GPATCH2: variants seen among roughly 807,000 people sequenced by gnomAD.
The protein encoded by GPATCH2 is G-patch domain containing 2.
GPATCH2 carries 51 observed loss-of-function variants against 58.0 expected under a neutral mutation model. The ratio of observed to expected loss-of-function variants is 0.88; its 90% CI spans 0.70 to 1.11. GPATCH2 has a LOEUF of 1.11. Ranked by LOEUF, GPATCH2 falls within the 50% of genes most tolerant of loss-of-function variation. GPATCH2 has a pLI of 0.00. For missense variants in GPATCH2, 625 were observed against 652.2 expected (o/e 0.96, Z 0.45); for synonymous variants, 222 against 218.5 (o/e 1.02, Z -0.14).
rs1460164234 is a variant in GPATCH2 at position 217,430,296 on chromosome 1, C to T, written c.*849G>A. On this transcript the variant is annotated 3_prime_UTR_variant, in exon 10 of 10. Coordinates refer to ENST00000366935, the MANE Select transcript of GPATCH2 (RefSeq NM_018040.5). The stretch of plus-strand genomic sequence containing the variant: ...ACTCCAATGATTAAAATTTTAAATC[C>T]GTTTACTACACTTGAGTTGATCTTA... 6 of 152,002 alleles carry T rather than the reference C, an allele frequency of 3.9e-5. No individual in the cohort carries two copies. The highest frequency in any genetic ancestry group is 9.7e-5 in the African/African-American group (4 of 41,386). 9.4% of individuals were successfully genotyped at this position (152,002 alleles called of 1,614,324 possible).
At chr1:217,615,411 T>C (rs1296608052) in intron 2 of GPATCH2, among the ~76,000 whole-genome samples, 1 of 152,060 alleles carries the variant, frequency 6.6e-6, no homozygotes, top group Non-Finnish European at 1.5e-5. Context: ...AATGAAAAAA[T>C]ATTTTCTAAG....
intron 6 of GPATCH2, among the ~76,000 whole-genome samples, chr1:217,508,813 TG>T (rs1195754752): frequency 6.6e-6 from 1 of 152,170 alleles, no homozygotes; most frequent in Non-Finnish European, 1.5e-5. Flanking sequence ...CTTTTTTGCA[TG>T]TAGCTCTCTA....
At position 217,493,963 on chromosome 1, in the gene GPATCH2, A is replaced by G. The variant is rs185911739; in HGVS notation, c.1207-2213T>C. Among the ~76,000 whole-genome samples, 142 of 152,218 alleles carry G rather than the reference A, an allele frequency of 9.3e-4. No homozygotes were observed. The Middle Eastern group carries it at 0.024, about 26-fold the overall frequency. On this transcript the variant is annotated intron_variant, in intron 7 of 9. Coordinates refer to ENST00000366935, the MANE Select transcript of GPATCH2 (RefSeq NM_018040.5). ...AATCCCAAACCAAATGTTATGGAAAAAAAAATAAAAAATTTATAGTTTAGT... is the reference window on the plus strand; with the variant it reads ...AATCCCAAACCAAATGTTATGGAAAGAAAAATAAAAAATTTATAGTTTAGT...
At chr1:217,593,271 A>G (rs1667673429) in intron 5 of GPATCH2, among the ~76,000 whole-genome samples, 1 of 152,004 alleles carries the variant, frequency 6.6e-6, no homozygotes, top group African/African-American at 2.4e-5. Flanking sequence ...ACATTTGAGG[A>G]GATTTATTAT....
At chr1:217,493,383 T>C (rs940629250) in intron 7 of GPATCH2, among the ~76,000 whole-genome samples, 2 of 152,130 alleles carry the variant, frequency 1.3e-5, no homozygotes, top group Admixed American at 6.5e-5. Flanking sequence ...ATCCTAGCCA[T>C]AGTGAAGTTC....
In GPATCH2 at chr1:217,449,971, G is replaced by A. The variant is rs138109390; in HGVS notation, c.1278-634C>T. Among the ~76,000 whole-genome samples the A allele has an allele frequency of 8.9e-4, 136 of 152,130 alleles. 1 individual carries two copies. The highest frequency in any genetic ancestry group is 3.0e-3 in the African/African-American group (126 of 41,494). On this transcript the variant is annotated intron_variant, in intron 8 of 9. Coordinates refer to ENST00000366935, the MANE Select transcript of GPATCH2 (RefSeq NM_018040.5). ...TGTAAAAACATGATATATAAAAACC[G>A]AGAAGTGGACCTTCTGCTATTTTTG...
intron 5 of GPATCH2, among the ~76,000 whole-genome samples, chr1:217,571,325 C>A (rs1377839977): frequency 6.6e-6 from 1 of 151,866 alleles, no homozygotes; most frequent in East Asian, 1.9e-4. Flanking sequence ...AGTTGTAAAC[C>A]CAAACAGGTG....
chr1:217,499,764 T>G (rs2102550281), intron 6 of GPATCH2, among the ~76,000 whole-genome samples: 1 of 152,064 alleles, frequency 6.6e-6, no homozygotes, highest in East Asian at 1.9e-4. Flanking sequence ...AGACAAACAT[T>G]TTTCTTAAAC....
At chr1:217,592,008 CA>C (rs34896010) in intron 5 of GPATCH2, among the ~76,000 whole-genome samples, 101,714 of 151,588 alleles carry the variant, frequency 0.67, 34,766 homozygotes, top group East Asian at 0.92. Flanking sequence ...CTTCGTATAT[CA>C]AAAAAAATGA....
At chr1:217,530,087 T>C (rs1184549632) in intron 5 of GPATCH2, among the ~76,000 whole-genome samples, 3 of 152,360 alleles carry the variant, frequency 2.0e-5, no homozygotes, top group East Asian at 3.9e-4. Flanking sequence ...CAAAGTAATA[T>C]GGAGTCCTAG....
intron 5 of GPATCH2, among the ~76,000 whole-genome samples, chr1:217,557,611 T>A (rs908544464): frequency 6.6e-6 from 1 of 152,196 alleles, no homozygotes; most frequent in African/African-American, 2.4e-5. Flanking sequence ...TGCTATCAGA[T>A]AGAGATTCCA....
At chr1:217,444,865 C>A (rs1009291739) in intron 9 of GPATCH2, among the ~76,000 whole-genome samples, 4 of 152,060 alleles carry the variant, frequency 2.6e-5, no homozygotes, top group African/African-American at 9.7e-5. Context: ...AAATCTAGTA[C>A]CTTGAAAAGG....
intron 8 of GPATCH2, among the ~76,000 whole-genome samples, chr1:217,468,656 T>A (rs181041942): frequency 6.6e-6 from 1 of 151,422 alleles, no homozygotes; most frequent in Non-Finnish European, 1.5e-5. Context: ...AATAAAACAA[T>A]AAAGGAAATG....
rs1195033081 is a variant in GPATCH2 at position 217,427,097 on chromosome 1, C to G, written c.*4048G>C. 1 of 152,102 alleles carries G rather than the reference C, an allele frequency of 6.6e-6. No homozygotes were observed. The highest frequency in any genetic ancestry group is 1.5e-5 in the Non-Finnish European group (1 of 68,004). 9.4% of individuals were successfully genotyped at this position (152,102 alleles called of 1,614,324 possible). On this transcript the variant is annotated 3_prime_UTR_variant, in exon 10 of 10. Transcript: ENST00000366935. ...TTACAAAACACTTAAAATGTCCAAG[C>G]AGCTTTATGAGAGGCACAACTTTCC...
At chr1:217,552,484 G>A (rs544897678) in intron 5 of GPATCH2, among the ~76,000 whole-genome samples, 1 of 152,124 alleles carries the variant, frequency 6.6e-6, no homozygotes, top group Non-Finnish European at 1.5e-5. Flanking sequence ...CCACAGGAGG[G>A]CAAAGGGAGA....
chr1:217,601,342 A>T (rs946196279), intron 5 of GPATCH2, among the ~76,000 whole-genome samples: 1 of 152,102 alleles, frequency 6.6e-6, no homozygotes, highest in Non-Finnish European at 1.5e-5. Context: ...GATTTATTAC[A>T]TATTGCTTAC....
intron 7 of GPATCH2, among the ~76,000 whole-genome samples, chr1:217,494,739 G>A (rs566749911): frequency 8.6e-5 from 13 of 150,954 alleles, no homozygotes; most frequent in South Asian, 2.1e-4. Context: ...GTGAGACTCT[G>A]TCTCAAAAAA....
chr1:217,447,850 C>A (rs6681715), intron 9 of GPATCH2, among the ~76,000 whole-genome samples: 4 of 152,184 alleles, frequency 2.6e-5, no homozygotes, highest in Non-Finnish European at 5.9e-5. Context: ...GTAATCCCAG[C>A]ACTCTGTGAG....
chr1:217,499,408 T>G (rs1411106183), intron 6 of GPATCH2, among the ~76,000 whole-genome samples: 1 of 152,180 alleles, frequency 6.6e-6, no homozygotes, highest in Non-Finnish European at 1.5e-5. Context: ...CACACCACGC[T>G]GCAGAAGGGC....
Sources: allele counts gnomAD v4.1 joint callset (sites outside exome capture counted in the v4.1 genomes callset), GRCh38; gene constraint gnomAD v4.1.1; transcripts MANE v1.5; gene names NCBI Gene and HGNC (gene_info 2026-07-23, HGNC 2026-07-21).